Variants in SMAD1 observed in about 807,000 individuals in gnomAD.
SMAD1 encodes MAD, mothers against decapentaplegic homolog 1.
A neutral mutation model predicts 41.6 loss-of-function variants in SMAD1; 6 were observed. The ratio of observed to expected loss-of-function variants is 0.14; its 90% CI spans 0.08 to 0.28. The LOEUF is 0.28. Among genes scored for constraint, SMAD1 ranks in the 10% least tolerant of loss-of-function variants. SMAD1 has a pLI of 1.00. For missense variants in SMAD1, 379 were observed against 582.6 expected, an observed-to-expected ratio of 0.65 and a Z score of 3.60; for synonymous variants, 206 against 203.2, an observed-to-expected ratio of 1.01 and a Z score of -0.12.
At chr4:145,510,130 TAAC>T (rs1729997608) in intron 1 of SMAD1, among the ~76,000 whole-genome samples, 1 of 152,220 alleles carries the variant, frequency 6.6e-6, no homozygotes, top group African/African-American at 2.4e-5. Flanking sequence ...TTTCTGAGGC[TAAC>T]GATTTCCCCA....
intron 2 of SMAD1, among the ~76,000 whole-genome samples, chr4:145,516,666 G>A (rs1243602339): frequency 1.3e-5 from 2 of 152,122 alleles, no homozygotes; most frequent in African/African-American, 2.4e-5. Context: ...GTGATGCAGT[G>A]TTCTTTTTTC....
chr4:145,486,596 T>C (rs1728490725), intron 1 of SMAD1, among the ~76,000 whole-genome samples: 1 of 152,226 alleles, frequency 6.6e-6, no homozygotes. Flanking sequence ...TATGTCATGG[T>C]GAGTTAATGT....
At chr4:145,524,729 C>T (rs776514877) in intron 2 of SMAD1, among the ~76,000 whole-genome samples, 3 of 151,804 alleles carry the variant, frequency 2.0e-5, no homozygotes, top group Non-Finnish European at 4.4e-5. Context: ...CTTCCACCCT[C>T]CATTGCTGGT....
At chr4:145,547,306 A>G (rs1422653920) in intron 5 of SMAD1, among the ~76,000 whole-genome samples, 2 of 152,272 alleles carry the variant, frequency 1.3e-5, no homozygotes, top group Non-Finnish European at 2.9e-5. Context: ...AATAGAAAAG[A>G]AAGAACTAGA....
intron 2 of SMAD1, among the ~76,000 whole-genome samples, chr4:145,529,895 T>A (rs138823434): frequency 6.6e-6 from 1 of 152,268 alleles, no homozygotes; most frequent in East Asian, 1.9e-4. Context: ...ACTTGTTATA[T>A]CTGGGATGAG....
intron 2 of SMAD1, among the ~76,000 whole-genome samples, chr4:145,519,749 T>C (rs530249945): frequency 6.6e-6 from 1 of 152,272 alleles, no homozygotes; most frequent in South Asian, 2.1e-4. Context: ...CAAAACTTAC[T>C]ACTTCTAGCT....
chr4:145,515,782 A>G lies in SMAD1; in HGVS notation c.400+769A>G, dbSNP rs560787674. ...AATGTCTCATTGTCGATTGGGACCA[A>G]TTTTGTTGATGGATTGGCTGTTAAT... On this transcript the variant is annotated intron_variant, in intron 2 of 6. Coordinates refer to ENST00000302085, the MANE Select transcript of SMAD1 (RefSeq NM_005900.3). Among the ~76,000 whole-genome samples the G allele has an allele frequency of 2.9e-3, 435 of 152,274 alleles. 1 individual carries two copies. Among genetic ancestry groups the G allele is most frequent in the African/African-American group, 1.0e-2 (414 of 41,554 alleles).
intron 5 of SMAD1, among the ~76,000 whole-genome samples, chr4:145,549,849 A>G (rs778113237): frequency 2.6e-5 from 4 of 152,234 alleles, no homozygotes; most frequent in Non-Finnish European, 5.9e-5. Context: ...ATGAAATGCT[A>G]GAACCTAGGT....
intron 2 of SMAD1, among the ~76,000 whole-genome samples, chr4:145,531,222 G>A (rs1427815259): frequency 3.9e-5 from 6 of 152,196 alleles, no homozygotes; most frequent in Non-Finnish European, 7.3e-5. Flanking sequence ...ATATGCTGAG[G>A]TAAGGAATTT....
intron 1 of SMAD1, among the ~76,000 whole-genome samples, chr4:145,504,514 G>A (rs1261208441): frequency 6.6e-6 from 1 of 152,124 alleles, no homozygotes; most frequent in Non-Finnish European, 1.5e-5. Context: ...AATTCCTACT[G>A]TCTGCTACTT....
At chr4:145,544,720 TC>T (rs1195745543) in intron 4 of SMAD1, 1 of 152,206 alleles carries the variant, frequency 6.6e-6, no homozygotes, top group Admixed American at 6.5e-5. Flanking sequence ...ATTTTATGGT[TC>T]CTGATTATCT....
At chr4:145,549,441 A>G (rs1732437953) in intron 5 of SMAD1, among the ~76,000 whole-genome samples, 1 of 152,106 alleles carries the variant, frequency 6.6e-6, no homozygotes, top group African/African-American at 2.4e-5. Flanking sequence ...CTGTGTTACA[A>G]TACATACATA....
Position 145,514,469 on chromosome 4 carries a change from G to T in SMAD1, c.-145G>T. ...ACTGGGTTACTTTTTTAAACACTAG[G>T]AATGGTAATTTCTACTCTTCTGGAC... On this transcript the variant is annotated 5_prime_UTR_variant, in exon 2 of 7. Transcript: ENST00000302085. This position sits in a 1 kb window ranked among gnomAD's most constrained non-coding sequence, Gnocchi z 4.7. 2 of 730,512 alleles carry T rather than the reference G, an allele frequency of 2.7e-6. No individual in the cohort carries two copies. Among genetic ancestry groups the T allele is most frequent in the South Asian group, 2.5e-5 (1 of 39,484 alleles). 45.3% of individuals were successfully genotyped at this position (730,512 alleles called of 1,614,324 possible). A position where few individuals can be genotyped will look rare whatever the true frequency, so the allele number is the denominator to read the frequency against.
Position 145,539,928 on chromosome 4 carries a change from T to C in SMAD1, c.525T>C (p.Ser175=). 6.2e-7 allele frequency: 1 copy of C among 1,614,066 alleles called. No individual in the cohort carries two copies. The highest frequency in any genetic ancestry group is 8.5e-7 in the Non-Finnish European group (1 of 1,180,002). Reference sequence around the variant, plus strand: ...CACTCAACGCCACTTTTCCAGATTCTTTCCAGCAACCCAACAGCCACCCGT... The same window carrying C: ...CACTCAACGCCACTTTTCCAGATTCCTTCCAGCAACCCAACAGCCACCCGT... The part of the protein sequence containing the change: ...HMPLNATFPD[S]FQQPNSHPFP... The change falls in exon 3 of 7, where the codon TCT becomes TCC. Residue 175 remains serine (S), a synonymous_variant. Transcript: ENST00000302085.
intron 2 of SMAD1, among the ~76,000 whole-genome samples, chr4:145,520,351 A>G (rs1282531137): frequency 4.6e-5 from 7 of 152,154 alleles, no homozygotes; most frequent in Non-Finnish European, 1.0e-4. Flanking sequence ...AGAAATGCAA[A>G]TTCTTAAACC....
intron 1 of SMAD1, among the ~76,000 whole-genome samples, chr4:145,504,340 T>C (rs1048736817): frequency 6.6e-6 from 1 of 152,232 alleles, no homozygotes; most frequent in Admixed American, 6.5e-5. Flanking sequence ...CTGAAATAAC[T>C]AGATCCATTT....
At chr4:145,554,071 C>A in intron 6 of SMAD1, 31 bp downstream of exon 6, 1 of 1,559,876 alleles carries the variant, frequency 6.4e-7, no homozygotes, top group East Asian at 2.3e-5. Flanking sequence ...CCATTTAGGG[C>A]CTAACATACT....
At chr4:145,491,129 C>T (rs1206204917) in intron 1 of SMAD1, among the ~76,000 whole-genome samples, 1 of 152,136 alleles carries the variant, frequency 6.6e-6, no homozygotes, top group East Asian at 1.9e-4. Flanking sequence ...TGTGACCAAA[C>T]ATACTCAAAA....
intron 6 of SMAD1, 51 bp downstream of exon 6, chr4:145,554,091 CTTTTTTT>C: frequency 6.1e-6 from 7 of 1,138,598 alleles, no homozygotes; most frequent in Non-Finnish European, 7.2e-6. Context: ...TTTTGCTGTG[CTTTTTTT>C]TTTTTTTTTT....
Sources: gnomAD v4.1 joint callset for allele counts (sites outside exome capture counted in the v4.1 genomes callset) on GRCh38, gnomAD v4.1.1 for gene constraint, Gnocchi (gnomAD v3.1) non-coding constraint, MANE v1.5 for transcripts, NCBI Gene and HGNC (gene_info 2026-07-23, HGNC 2026-07-21) for gene names.